Variants in EPB41L3 observed in about 807,000 individuals in gnomAD.
EPB41L3 encodes the protein erythrocyte membrane protein band 4.1 like 3.
Under a neutral mutation model 127.1 loss-of-function variants are expected in EPB41L3, and 57 were observed. That is an observed-to-expected ratio of 0.45 (90% CI 0.36 to 0.56). The LOEUF is 0.56. Ranked by LOEUF, EPB41L3 falls within the 20% of genes least tolerant of loss-of-function variation. The probability of loss-of-function intolerance (pLI) is 0.00; values close to 1 mark genes in which losing one functional copy is unlikely to be tolerated. For missense variants in EPB41L3, 1,273 were observed against 1,372.2 expected (o/e 0.93, Z 1.14); for synonymous variants, 572 against 549.5 (o/e 1.04, Z -0.57).
chr18:5,427,028 G>A (rs533781033), intron 9 of EPB41L3, among the ~76,000 whole-genome samples: 13 of 151,764 alleles, frequency 8.6e-5, no homozygotes, highest in Middle Eastern at 3.4e-3. Context: ...TTTGAGACAG[G>A]GTCTTTGCTC....
chr18:5,613,679 C>G, intron 2 of EPB41L3, among the ~76,000 whole-genome samples: 1 of 152,142 alleles, frequency 6.6e-6, no homozygotes, highest in East Asian at 1.9e-4. Flanking sequence ...GTAGAAATTT[C>G]TACAAGCTAC....
At chr18:5,560,392 C>A (rs1223598767) in intron 3 of EPB41L3, among the ~76,000 whole-genome samples, 1 of 152,110 alleles carries the variant, frequency 6.6e-6, no homozygotes, top group Non-Finnish European at 1.5e-5. Context: ...TAAGAACAAG[C>A]TTCCTCAGAG....
rs139370391 is a variant in EPB41L3 at position 5,397,454 on chromosome 18, T to C, written c.2473-28A>G. On this transcript the variant is annotated intron_variant, in intron 17 of 22. Transcript: ENST00000341928. The surrounding 1 kb of genome is among the most constrained non-coding windows in gnomAD (Gnocchi z 4.1). ...GCATGGGAAGAGATTGTGGCATCAG[T>C]GTGACCATCCATAAACCAAAGGTCA... The C allele has an allele frequency of 7.7e-5, 121 of 1,579,134 alleles. 1 individual carries two copies. The Admixed American group carries it at 1.6e-3, about 21-fold the overall frequency.
chr18:5,629,263 TGGA>T (rs1409002892), upstream of EPB41L3, among the ~76,000 whole-genome samples: 1 of 151,736 alleles, frequency 6.6e-6, no homozygotes, highest in Non-Finnish European at 1.5e-5. Context: ...GAGCTGGAGC[TGGA>T]GGAGAGGAGC....
intron 3 of EPB41L3, among the ~76,000 whole-genome samples, chr18:5,569,486 G>A (rs191651437): frequency 9.2e-5 from 14 of 152,300 alleles, no homozygotes; most frequent in Admixed American, 6.5e-4. Context: ...CCACATGAGT[G>A]ATCACCTCAG....
chr18:5,440,412 G>A (rs2080510979), intron 5 of EPB41L3, among the ~76,000 whole-genome samples: 1 of 152,280 alleles, frequency 6.6e-6, no homozygotes, highest in Non-Finnish European at 1.5e-5. Context: ...GAGAGAGGCA[G>A]ATTAAAGCTC....
chr18:5,555,851 G>A (rs1239154636), intron 3 of EPB41L3, among the ~76,000 whole-genome samples: 1 of 152,144 alleles, frequency 6.6e-6, no homozygotes, highest in Non-Finnish European at 1.5e-5. Flanking sequence ...GATGCTGTAA[G>A]TGTTCCCTTC....
intron 5 of EPB41L3, among the ~76,000 whole-genome samples, chr18:5,440,085 G>A (rs1389303010): frequency 1.3e-5 from 2 of 152,082 alleles, no homozygotes; most frequent in African/African-American, 4.8e-5. Flanking sequence ...AATACCTGAG[G>A]TACTTGTTAA....
intron 7 of EPB41L3, 45 bp from the exon 8 acceptor site, chr18:5,433,601 TG>T (rs781594283): frequency 2.0e-6 from 3 of 1,523,996 alleles, no homozygotes. Flanking sequence ...TTCCCTTCCC[TG>T]GTAGGCTGCA....
intron 3 of EPB41L3, chr18:5,577,601 C>A: frequency 4.3e-6 from 1 of 231,400 alleles, no homozygotes; most frequent in Non-Finnish European, 8.5e-6. Flanking sequence ...TCAGATTCTT[C>A]TTCTAATATT....
chr18:5,420,062 A>T (rs1232753682), intron 11 of EPB41L3, 185 bp from the exon 12 acceptor site: 3 of 1,283,732 alleles, frequency 2.3e-6, no homozygotes. Flanking sequence ...TTGAAAAAAC[A>T]AATCAGTGCT....
intron 1 of EPB41L3, among the ~76,000 whole-genome samples, chr18:5,533,211 G>A (rs1313889510): frequency 2.0e-5 from 3 of 152,110 alleles, no homozygotes; most frequent in South Asian, 2.1e-4. Context: ...GCCTCTTTGC[G>A]CCAAGACACG....
intron 1 of EPB41L3, among the ~76,000 whole-genome samples, chr18:5,515,743 T>G (rs1368307402): frequency 6.6e-6 from 1 of 152,210 alleles, no homozygotes; most frequent in Non-Finnish European, 1.5e-5. Context: ...CAGCAAGCTT[T>G]AAATTGGAGT....
At chr18:5,617,555 C>T (rs967925278) in intron 1 of EPB41L3, among the ~76,000 whole-genome samples, 18 of 151,980 alleles carry the variant, frequency 1.2e-4, no homozygotes, top group East Asian at 1.9e-4. Context: ...CCTGACCTCG[C>T]GATCCGCCCG....
At chr18:5,482,929 A>C (rs576748062) in intron 2 of EPB41L3, among the ~76,000 whole-genome samples, 122 of 152,288 alleles carry the variant, frequency 8.0e-4, no homozygotes, top group African/African-American at 2.9e-3. Context: ...AATGTATCAA[A>C]CCTAGTGGTA....
chr18:5,490,874 C>T (rs1040175200), intron 1 of EPB41L3, among the ~76,000 whole-genome samples: 3 of 152,180 alleles, frequency 2.0e-5, no homozygotes, highest in African/African-American at 7.2e-5. Context: ...ACCCACCAAA[C>T]ACTTACTGAG....
chr18:5,473,436 C>A (rs1369460991), intron 3 of EPB41L3, among the ~76,000 whole-genome samples: 2 of 151,776 alleles, frequency 1.3e-5, no homozygotes, highest in Non-Finnish European at 2.9e-5. Flanking sequence ...ATAGATGCAG[C>A]AGCAAACCTA....
At chr18:5,594,334 A>C (rs2094516584) in intron 3 of EPB41L3, among the ~76,000 whole-genome samples, 1 of 152,126 alleles carries the variant, frequency 6.6e-6, no homozygotes, top group South Asian at 2.1e-4. Flanking sequence ...TCTGTTACCC[A>C]CCATTGGTAC....
At chr18:5,573,354 T>A (rs143749875) in intron 3 of EPB41L3, among the ~76,000 whole-genome samples, 123 of 152,294 alleles carry the variant, frequency 8.1e-4, no homozygotes, top group African/African-American at 2.8e-3. Flanking sequence ...CATGAGGAAT[T>A]TTAAAAAATT....
Sources: gnomAD v4.1 joint callset for allele counts (sites outside exome capture counted in the v4.1 genomes callset) on GRCh38, gnomAD v4.1.1 for gene constraint, Gnocchi (gnomAD v3.1) non-coding constraint, MANE v1.5 for transcripts, NCBI Gene and HGNC (gene_info 2026-07-23, HGNC 2026-07-21) for gene names.